ARHGAP26: variants seen among roughly 807,000 people sequenced by gnomAD.
The protein encoded by ARHGAP26 is rho GTPase-activating protein 26.
ARHGAP26 carries 38 observed loss-of-function variants against 104.8 expected under a neutral mutation model. That is an observed-to-expected ratio of 0.36 (90% confidence interval 0.28 to 0.48). The LOEUF (loss-of-function observed/expected upper bound fraction) is 0.48. ARHGAP26 is among the 20% of genes least tolerant of loss of function. The pLI, the probability that ARHGAP26 is intolerant of heterozygous loss-of-function variation, is 0.99. For synonymous variants in ARHGAP26, 341 were observed against 340.0 expected (o/e 1.00, Z -0.03); for missense variants, 704 against 947.9 (o/e 0.74, Z 3.38).
intron 1 of ARHGAP26, among the ~76,000 whole-genome samples, chr5:142,849,107 C>G (rs1751020951): frequency 6.6e-6 from 1 of 152,206 alleles, no homozygotes; most frequent in Non-Finnish European, 1.5e-5. Context: ...ACCCTCTTCT[C>G]TGAGCCACAA....
chr5:142,802,505 T>G (rs1762262770), intron 1 of ARHGAP26, among the ~76,000 whole-genome samples: 2 of 152,230 alleles, frequency 1.3e-5, no homozygotes, highest in South Asian at 4.1e-4. Context: ...GTTTTTATTG[T>G]AATGTTGAGG....
intron 20 of ARHGAP26, among the ~76,000 whole-genome samples, chr5:143,156,116 G>T (rs1424040979): frequency 1.3e-5 from 2 of 152,188 alleles, no homozygotes; most frequent in Non-Finnish European, 2.9e-5. Context: ...TCTTATTTAG[G>T]ATTAGATTAG....
chr5:143,004,017 C>CAAAAAAAAAAAAAAAAAAAAA, intron 11 of ARHGAP26, among the ~76,000 whole-genome samples: 1 of 118,176 alleles, frequency 8.5e-6, no homozygotes, highest in Non-Finnish European at 1.7e-5. Flanking sequence ...AATTTATAGA[C>CAAAAAAAAAAAAAAAAAAAAA]AAAAAAAAAA....
chr5:142,836,027 A>C (rs1769484292), intron 1 of ARHGAP26, among the ~76,000 whole-genome samples: 1 of 152,236 alleles, frequency 6.6e-6, no homozygotes, highest in Admixed American at 6.5e-5. Context: ...AGGGCATCTG[A>C]ATCCAGGGCA....
intron 11 of ARHGAP26, among the ~76,000 whole-genome samples, chr5:142,951,023 CTCTTTCCCTTTCCCTTT>C (rs1562140946): frequency 1.2e-4 from 17 of 147,026 alleles, no homozygotes; most frequent in African/African-American, 2.6e-4. Context: ...CTTTCCCTTT[CTCTTTCCCTTTCCCTTT>C]CCCTTCCCCT....
At chr5:142,985,022 T>A (rs1774466094) in intron 11 of ARHGAP26, among the ~76,000 whole-genome samples, 1 of 152,146 alleles carries the variant, frequency 6.6e-6, no homozygotes, top group Non-Finnish European at 1.5e-5. Flanking sequence ...GTGTTACTGC[T>A]CCTGAAGACC....
chr5:142,882,305 A>G (rs1041500955), intron 4 of ARHGAP26, among the ~76,000 whole-genome samples: 4 of 152,200 alleles, frequency 2.6e-5, no homozygotes, highest in African/African-American at 7.2e-5. Context: ...ACTCCTATCA[A>G]ATGCTTAAAA....
chr5:142,887,073 A>G (rs1757816182), intron 5 of ARHGAP26, among the ~76,000 whole-genome samples: 1 of 152,200 alleles, frequency 6.6e-6, no homozygotes, highest in Admixed American at 6.5e-5. Context: ...TCTAGCACCT[A>G]CTGAATCTGG....
intron 10 of ARHGAP26, chr5:142,915,592 T>G (rs1762369661): frequency 6.6e-6 from 1 of 152,234 alleles, no homozygotes; most frequent in Admixed American, 6.6e-5. Context: ...ACTCCTGACC[T>G]CAAGTGATCC....
intron 19 of ARHGAP26, among the ~76,000 whole-genome samples, chr5:143,142,134 CTTTT>C (rs762332039): frequency 5.7e-5 from 6 of 105,344 alleles, no homozygotes; most frequent in African/African-American, 1.6e-4. Context: ...CTACTTTTCA[CTTTT>C]TTTTTTTTTT....
intron 12 of ARHGAP26, among the ~76,000 whole-genome samples, chr5:143,030,024 A>G (rs1157253422): frequency 6.6e-6 from 1 of 152,144 alleles, no homozygotes; most frequent in Non-Finnish European, 1.5e-5. Flanking sequence ...TGCTGTTTTT[A>G]TAGACTATAT....
At chr5:143,092,535 A>G (rs1791604765) in intron 17 of ARHGAP26, among the ~76,000 whole-genome samples, 1 of 151,816 alleles carries the variant, frequency 6.6e-6, no homozygotes, top group African/African-American at 2.4e-5. Flanking sequence ...TCCTTTTTAC[A>G]TAAATTCTCC....
chr5:143,055,963 G>A (rs1785748075), intron 15 of ARHGAP26, 65 bp from the exon 16 acceptor site: 2 of 1,141,660 alleles, frequency 1.8e-6, no homozygotes, highest in Non-Finnish European at 2.6e-6. Flanking sequence ...TCTCTAGGCT[G>A]CTATTTAGAG....
chr5:142,888,555 A>C (rs1598093616), intron 5 of ARHGAP26, among the ~76,000 whole-genome samples: 1 of 152,022 alleles, frequency 6.6e-6, no homozygotes, highest in Non-Finnish European at 1.5e-5. Flanking sequence ...CTTTGATGAA[A>C]CCTTCCACTC....
rs149420699 is a variant in ARHGAP26, at chr5:143,108,539, C to T, written c.1539-12449C>T. Among the ~76,000 whole-genome samples, 282 of 152,290 alleles carry T rather than the reference C, an allele frequency of 1.9e-3. 2 individuals are homozygous for T. The highest frequency in any genetic ancestry group is 6.8e-3 in the Middle Eastern group (2 of 294). ...TTCCAGTCACTTTGGTAGACTGGCC[C>T]TTGAAATAAAGCTAACGTTTTCAAC... is the stretch of plus-strand genomic sequence containing the variant. On this transcript the variant is annotated intron_variant, in intron 17 of 22. Transcript: ENST00000645722.
intron 1 of ARHGAP26, among the ~76,000 whole-genome samples, chr5:142,794,376 GA>G (rs902720522): frequency 4.6e-5 from 7 of 152,192 alleles, no homozygotes; most frequent in African/African-American, 1.7e-4. Flanking sequence ...AATACAGAAG[GA>G]GGGGGGACAG....
chr5:142,915,863 C>T (rs1358596152), intron 10 of ARHGAP26, among the ~76,000 whole-genome samples: 4 of 152,106 alleles, frequency 2.6e-5, no homozygotes, highest in Admixed American at 1.3e-4. Flanking sequence ...CATTTTCATG[C>T]GCTGGGTAGC....
chr5:143,170,823 C>T (rs970742605), intron 20 of ARHGAP26, among the ~76,000 whole-genome samples: 5 of 152,130 alleles, frequency 3.3e-5, no homozygotes, highest in African/African-American at 4.8e-5. Flanking sequence ...TGGGTATTGG[C>T]AAGCTACAGA....
rs1223116431 is a variant in ARHGAP26, at chr5:142,927,336, A to G, written c.1029-4711A>G. 2.0e-5 allele frequency among the ~76,000 whole-genome samples: 3 copies of G among 152,228 alleles called. No homozygotes were observed. In the East Asian group the frequency reaches 5.8e-4, roughly 29 times the overall value. On this transcript the variant is annotated intron_variant, in intron 10 of 22. Coordinates refer to ENST00000645722, the MANE Select transcript of ARHGAP26 (RefSeq NM_001135608.3). ...CACTGCCCATATCTCTTTTCAAAAAAAAAAAAAAAATCACTCTTCTGACTT... is the reference window on the plus strand; with the variant it reads ...CACTGCCCATATCTCTTTTCAAAAAGAAAAAAAAAATCACTCTTCTGACTT...
Sources: allele counts gnomAD v4.1 joint callset (sites outside exome capture counted in the v4.1 genomes callset), GRCh38; gene constraint gnomAD v4.1.1; transcripts MANE v1.5; gene names NCBI Gene and HGNC (gene_info 2026-07-23, HGNC 2026-07-21).